Variants in VPS33A observed in about 807,000 individuals in gnomAD.
The protein encoded by VPS33A is vacuolar protein sorting-associated protein 33A.
Under a neutral mutation model 71.8 loss-of-function variants are expected in VPS33A, and 32 were observed. The ratio of observed to expected loss-of-function variants is 0.45; its 90% CI spans 0.34 to 0.60. The LOEUF is 0.60. Ranked by LOEUF, VPS33A falls within the 20% of genes least tolerant of loss-of-function variation. The pLI is 0.02. For synonymous variants in VPS33A, 311 were observed against 292.7 expected, an observed-to-expected ratio of 1.06 and a Z score of -0.64; for missense variants, 625 against 748.5, an observed-to-expected ratio of 0.84 and a Z score of 1.92.
At chr12:122,242,877 T>G (rs1954733688) in intron 7 of VPS33A, among the ~76,000 whole-genome samples, 1 of 152,160 alleles carries the variant, frequency 6.6e-6, no homozygotes, top group Non-Finnish European at 1.5e-5. Context: ...CTTTGTTTTT[T>G]GTATTGTTCA....
intron 5 of VPS33A, among the ~76,000 whole-genome samples, chr12:122,250,608 T>G (rs1954830079): frequency 1.3e-5 from 2 of 152,158 alleles, no homozygotes; most frequent in South Asian, 4.1e-4. Context: ...ACCTCAGTCC[T>G]ACATTTGCAG....
At chr12:122,244,811 A>C (rs112273914) in intron 6 of VPS33A, 49 bp from the exon 7 acceptor site, 1 of 1,552,456 alleles carries the variant, frequency 6.4e-7, no homozygotes, top group East Asian at 2.3e-5. Flanking sequence ...TGACTGGAAG[A>C]ACCAATCCGG....
intron 4 of VPS33A, 89 bp downstream of exon 4, chr12:122,261,172 C>T: frequency 4.6e-6 from 5 of 1,089,994 alleles, no homozygotes; most frequent in Non-Finnish European, 6.4e-6. Context: ...AAATGGGACT[C>T]AGCTTCACAG....
chr12:122,262,756 GA>G (rs1177996747), intron 3 of VPS33A, among the ~76,000 whole-genome samples: 1 of 152,018 alleles, frequency 6.6e-6, no homozygotes, highest in African/African-American at 2.4e-5. Context: ...TGGCTATCTT[GA>G]AAGAATGGGT....
In VPS33A at chr12:122,232,799, C is replaced by G; in HGVS notation, c.1609+1G>C. 1 of 1,609,950 alleles carries G rather than the reference C, an allele frequency of 6.2e-7. No individual in the cohort carries two copies. Among genetic ancestry groups the G allele is most frequent in the Non-Finnish European group, 8.5e-7 (1 of 1,177,246 alleles). On this transcript the variant is annotated splice_donor_variant, in intron 12 of 12. Transcript: ENST00000267199. LOFTEE classifies it high-confidence loss of function. ...TCTGTAGATGCTGGACTGGGACTTA[C>G]GTTTCTTCTGCAGTCCTGTGGGCAG...
chr12:122,241,836 G>A (rs1014484533), intron 8 of VPS33A, among the ~76,000 whole-genome samples: 7 of 151,870 alleles, frequency 4.6e-5, no homozygotes, highest in Non-Finnish European at 1.0e-4. Context: ...CAAGTGATCT[G>A]CCTGCCTCAG....
intron 4 of VPS33A, among the ~76,000 whole-genome samples, chr12:122,260,298 T>C (rs1954975793): frequency 6.6e-6 from 1 of 151,878 alleles, no homozygotes; most frequent in Non-Finnish European, 1.5e-5. Context: ...TTTTTTTTGT[T>C]TTTTGTTTTT....
At chr12:122,248,428 C>T (rs1251481087) in intron 6 of VPS33A, 1 of 152,192 alleles carries the variant, frequency 6.6e-6, no homozygotes, top group East Asian at 1.9e-4. Flanking sequence ...TATTTTTCGT[C>T]ATGGCCTAAT....
chr12:122,254,290 G>A (rs538393204), intron 4 of VPS33A, among the ~76,000 whole-genome samples: 75 of 152,180 alleles, frequency 4.9e-4, no homozygotes, highest in African/African-American at 1.7e-3. Context: ...ACCAAAAATC[G>A]GGGCTGACTT....
chr12:122,243,006 G>T (rs1421138442), intron 7 of VPS33A, among the ~76,000 whole-genome samples: 1 of 152,180 alleles, frequency 6.6e-6, no homozygotes, highest in African/African-American at 2.4e-5. Context: ...AGGTCATGGT[G>T]CCTGTCTCCT....
At chr12:122,251,164 T>C in intron 4 of VPS33A, 65 bp from the exon 5 acceptor site, 2 of 1,069,516 alleles carry the variant, frequency 1.9e-6, no homozygotes, top group South Asian at 1.3e-5. Flanking sequence ...TCTCTGTTCC[T>C]GGGGCTGGGG....
intron 12 of VPS33A, 29 bp from the exon 13 acceptor site, chr12:122,232,456 A>C: frequency 6.3e-7 from 1 of 1,584,434 alleles, no homozygotes; most frequent in Non-Finnish European, 8.6e-7. Flanking sequence ...AGAATTAAAA[A>C]CTATTTATTA....
At chr12:122,250,339 A>G (rs1224688326) in intron 5 of VPS33A, among the ~76,000 whole-genome samples, 1 of 152,202 alleles carries the variant, frequency 6.6e-6, no homozygotes, top group Non-Finnish European at 1.5e-5. Flanking sequence ...GCGAAGATGG[A>G]ACCACTGTTC....
In VPS33A at chr12:122,244,552, C is replaced by G; in HGVS notation, c.969+17G>C. 4 of 1,576,668 alleles carry G rather than the reference C, an allele frequency of 2.5e-6. No individual in the cohort carries two copies. The highest frequency in any genetic ancestry group is 3.5e-6 in the Non-Finnish European group (4 of 1,151,806). On this transcript the variant is annotated intron_variant, in intron 7 of 12. Coordinates refer to ENST00000267199, the MANE Select transcript of VPS33A (RefSeq NM_022916.6). ...TGAGGCCTAGAGTTGCAGAATGACA[C>G]CCAAAACTTGCCTCACCTCGAATGC...
intron 7 of VPS33A, among the ~76,000 whole-genome samples, chr12:122,242,721 T>G (rs538348754): frequency 5.5e-4 from 83 of 152,156 alleles, no homozygotes; most frequent in Admixed American, 1.1e-3. Flanking sequence ...CCCAAACTAA[T>G]TTTTGTATTT....
intron 2 of VPS33A, among the ~76,000 whole-genome samples, chr12:122,263,906 A>G (rs1388440979): frequency 6.6e-6 from 1 of 152,222 alleles, no homozygotes; most frequent in African/African-American, 2.4e-5. Context: ...CTCTTACATG[A>G]TGATGAACTA....
chr12:122,250,084 G>A, intron 5 of VPS33A, 39 bp from the exon 6 acceptor site: 2 of 1,526,738 alleles, frequency 1.3e-6, no homozygotes, highest in Middle Eastern at 1.8e-4. Flanking sequence ...GCCCCCCTGG[G>A]AACAAGCAGA....
intron 8 of VPS33A, 148 bp from the exon 9 acceptor site, chr12:122,240,093 C>T (rs1057045790): frequency 3.1e-5 from 19 of 622,740 alleles, no homozygotes; most frequent in Non-Finnish European, 3.9e-5. Flanking sequence ...TGTAGGGGGC[C>T]GAGGTGGGTG....
At chr12:122,266,139 C>A (rs2277333) in intron 1 of VPS33A, among the ~76,000 whole-genome samples, 168 bp downstream of exon 1, 1 of 152,106 alleles carries the variant, frequency 6.6e-6, no homozygotes, top group Non-Finnish European at 1.5e-5. Flanking sequence ...AGGGCCCCCC[C>A]CTTCATCGCT....
Sources: gnomAD v4.1 joint callset for allele counts (sites outside exome capture counted in the v4.1 genomes callset) on GRCh38, gnomAD v4.1.1 for gene constraint, MANE v1.5 for transcripts, NCBI Gene and HGNC (gene_info 2026-07-23, HGNC 2026-07-21) for gene names.